Variants in TRIO observed in about 807,000 individuals in gnomAD.
TRIO encodes triple functional domain protein.
A neutral mutation model predicts 351.9 loss-of-function variants in TRIO; 58 were observed. That is an observed-to-expected ratio of 0.16 (90% confidence interval 0.13 to 0.21). The LOEUF (loss-of-function observed/expected upper bound fraction) is 0.21, where lower values mean the gene tolerates loss of function less well. Among genes scored for constraint, TRIO ranks in the 10% least tolerant of loss-of-function variants. TRIO has a pLI of 1.00. For missense variants in TRIO, 3,201 were observed against 4,027.8 expected, an observed-to-expected ratio of 0.79 and a Z score of 5.56; for synonymous variants, 1,758 against 1,595.7, an observed-to-expected ratio of 1.10 and a Z score of -2.42.
chr5:14,281,400 G>A (rs1735981778), intron 3 of TRIO, among the ~76,000 whole-genome samples: 3 of 150,144 alleles, frequency 2.0e-5, no homozygotes, highest in Non-Finnish European at 4.4e-5. Context: ...GACAGCACTA[G>A]GGAGATGGTG....
At chr5:14,372,963 G>A (rs973737287) in intron 18 of TRIO, among the ~76,000 whole-genome samples, 2 of 152,186 alleles carry the variant, frequency 1.3e-5, no homozygotes, top group African/African-American at 4.8e-5. Flanking sequence ...TAGGACAGGG[G>A]AGGCCTCAGA....
chr5:14,261,708 G>A (rs964320466), intron 1 of TRIO, among the ~76,000 whole-genome samples: 6 of 152,212 alleles, frequency 3.9e-5, no homozygotes, highest in African/African-American at 1.4e-4. Context: ...GGTTGTGGAG[G>A]TGCTGGAACG....
chr5:14,466,945 C>T (rs764091283), intron 37 of TRIO, among the ~76,000 whole-genome samples: 33 of 152,146 alleles, frequency 2.2e-4, no homozygotes, highest in East Asian at 3.8e-4. Context: ...CTAAGCCAGG[C>T]GCTGTTCTAA....
At position 14,465,629 on chromosome 5, in the gene TRIO, A is replaced by G. The variant is rs1242039162; in HGVS notation, c.5752A>G (p.Lys1918Glu). 2 of 1,614,068 alleles carry G rather than the reference A, an allele frequency of 1.2e-6. No homozygotes were observed. The highest frequency in any genetic ancestry group is 4.5e-5 in the East Asian group (2 of 44,888). ...CGTCAGTGCAATTGAGGAACTCGTG[A>G]AAAGCAAGATGGTGAGGCCTCCCAG... is the stretch of plus-strand genomic sequence containing the variant. ...ELVSAIEELV[K>E]SKMALEDRPS... Residue 1918 changes from lysine (K) to glutamate (E), a missense_variant, in exon 37 of 57, where the codon AAA (lysine) becomes GAA (glutamate). Physicochemically the swap from Lys to Glu is moderately conservative, Grantham distance 56. This residue lies in a region of TRIO where 307 missense variants were observed against 396.5 expected (regional missense o/e 0.77). Transcript: ENST00000344204.
chr5:14,497,863 A>G lies in TRIO; in HGVS notation c.8036A>G (p.Tyr2679Cys). ...CCATTTCAGCTTCTCAATCCCAACT[A>G]CATTTATGACGGTGAGTTCTGTTCT... is the stretch of plus-strand genomic sequence containing the variant. ...KVSVKLLNPN[Y>C]IYDVPPEFVI... The change falls in exon 51 of 57, where the codon TAC (tyrosine) becomes TGC (cysteine). Residue 2679 changes from tyrosine to cysteine, a missense_variant. By Grantham distance (194) the Tyr-to-Cys change is radical (BLOSUM62 -2). Coordinates refer to ENST00000344204, the MANE Select transcript of TRIO (RefSeq NM_007118.4). This position sits in a 1 kb window ranked among gnomAD's most constrained non-coding sequence, Gnocchi z 4.4. The G allele has an allele frequency of 6.2e-7, 1 of 1,614,176 alleles. No individual in the cohort carries two copies. Among genetic ancestry groups the G allele is most frequent in the Non-Finnish European group, 8.5e-7 (1 of 1,180,040 alleles).
At chr5:14,367,682 A>G (rs993686774) in intron 16 of TRIO, among the ~76,000 whole-genome samples, 9 of 152,042 alleles carry the variant, frequency 5.9e-5, no homozygotes. Context: ...AAGGAAAAAG[A>G]ACATTTGATT....
chr5:14,232,882 T>C (rs968850398), intron 1 of TRIO, among the ~76,000 whole-genome samples: 1 of 152,226 alleles, frequency 6.6e-6, no homozygotes. Flanking sequence ...GAGGACCAGC[T>C]GGTATCCAGG....
chr5:14,331,462 A>G (rs570277658), intron 10 of TRIO, among the ~76,000 whole-genome samples: 1 of 152,326 alleles, frequency 6.6e-6, no homozygotes, highest in East Asian at 1.9e-4. Context: ...TAAACTAGTG[A>G]GTTGTGGCTT....
At chr5:14,280,018 G>A (rs938039183) in intron 2 of TRIO, among the ~76,000 whole-genome samples, 1 of 152,202 alleles carries the variant, frequency 6.6e-6, no homozygotes, top group South Asian at 2.1e-4. Context: ...ACACATGGAC[G>A]TGACAACTTT....
intron 1 of TRIO, among the ~76,000 whole-genome samples, chr5:14,184,322 A>T (rs1789974132): frequency 6.6e-6 from 1 of 152,226 alleles, no homozygotes; most frequent in Non-Finnish European, 1.5e-5. Context: ...TGCTGCAGTG[A>T]TGTGTCCCAA....
At chr5:14,480,100 C>G in intron 43 of TRIO, 89 bp downstream of exon 43, 1 of 1,199,946 alleles carries the variant, frequency 8.3e-7, no homozygotes, top group Admixed American at 1.9e-5. Flanking sequence ...TTTGGTAGGA[C>G]AGGGGAATCA....
intron 21 of TRIO, among the ~76,000 whole-genome samples, chr5:14,383,252 G>A (rs567424681): frequency 6.6e-6 from 1 of 152,264 alleles, no homozygotes; most frequent in Admixed American, 6.5e-5. Flanking sequence ...TGATTATAAA[G>A]GTATTAAGAA....
chr5:14,499,770 A>C (rs1333872476), intron 53 of TRIO, among the ~76,000 whole-genome samples: 1 of 152,040 alleles, frequency 6.6e-6, no homozygotes, highest in African/African-American at 2.4e-5. Flanking sequence ...TATACTATTC[A>C]GCTGGGCGTA....
chr5:14,188,057 T>G (rs1241754238), intron 1 of TRIO, among the ~76,000 whole-genome samples: 1 of 152,268 alleles, frequency 6.6e-6, no homozygotes, highest in African/African-American at 2.4e-5. Context: ...AGATGAGCTG[T>G]AACTTTTGAA....
chr5:14,384,275 AGCGTCC>A (rs1162650400), intron 21 of TRIO, among the ~76,000 whole-genome samples: 1 of 152,222 alleles, frequency 6.6e-6, no homozygotes, highest in African/African-American at 2.4e-5. Flanking sequence ...CCTGATCACC[AGCGTCC>A]GCAATGCCAA....
intron 7 of TRIO, among the ~76,000 whole-genome samples, chr5:14,298,473 T>G (rs1737563114): frequency 6.6e-6 from 1 of 152,166 alleles, no homozygotes; most frequent in African/African-American, 2.4e-5. Flanking sequence ...TCAGGGTTAA[T>G]TTTTGGGGGA....
intron 4 of TRIO, among the ~76,000 whole-genome samples, chr5:14,289,400 C>A (rs2152283671): frequency 6.6e-6 from 1 of 152,014 alleles, no homozygotes; most frequent in East Asian, 1.9e-4. Context: ...AACAAACAAA[C>A]AAAAATCACC....
At chr5:14,454,065 G>A (rs150364652) in intron 34 of TRIO, among the ~76,000 whole-genome samples, 7 of 152,068 alleles carry the variant, frequency 4.6e-5, no homozygotes, top group African/African-American at 1.7e-4. Flanking sequence ...GAGTAGCTGG[G>A]ACTACAGGCA....
At chr5:14,409,790 A>G (rs1367162691) in intron 33 of TRIO, among the ~76,000 whole-genome samples, 1 of 149,930 alleles carries the variant, frequency 6.7e-6, no homozygotes, top group Admixed American at 6.7e-5. Flanking sequence ...AGCCAAGATC[A>G]GGCCACTGCA....
Sources: allele counts gnomAD v4.1 joint callset (sites outside exome capture counted in the v4.1 genomes callset), GRCh38; gene constraint gnomAD v4.1.1; regional missense constraint gnomAD v4.1.1; non-coding constraint Gnocchi (gnomAD v3.1); transcripts MANE v1.5; gene names NCBI Gene and HGNC (gene_info 2026-07-23, HGNC 2026-07-21).